The following AKAP6 variants were observed in gnomAD, a reference collection of about 807,000 sequenced individuals.
AKAP6 encodes the protein A-kinase anchoring protein 6.
Under a neutral mutation model 188.5 loss-of-function variants are expected in AKAP6, and 58 were observed. That is an observed-to-expected ratio of 0.31 (90% CI 0.25 to 0.38). The LOEUF (loss-of-function observed/expected upper bound fraction) is 0.38. Ranked by LOEUF, AKAP6 falls within the 10% of genes least tolerant of loss-of-function variation. The pLI is 1.00. For synonymous variants in AKAP6, 989 were observed against 998.6 expected (o/e 0.99, Z 0.18); for missense variants, 2,710 against 2,740.0 (o/e 0.99, Z 0.24).
chr14:32,364,203 A>C (rs1430077578), intron 1 of AKAP6, among the ~76,000 whole-genome samples: 1 of 152,210 alleles, frequency 6.6e-6, no homozygotes, highest in African/African-American at 2.4e-5. Context: ...AGGAGAAAGA[A>C]GGCAGGTTTT....
chr14:32,815,292 C>T (rs970384561), intron 12 of AKAP6, among the ~76,000 whole-genome samples: 2 of 152,078 alleles, frequency 1.3e-5, no homozygotes, highest in Non-Finnish European at 2.9e-5. Flanking sequence ...AGTTTTTGAT[C>T]ATTAGTGTGA....
intron 2 of AKAP6, among the ~76,000 whole-genome samples, chr14:32,465,965 CAT>C (rs1311430862): frequency 1.3e-5 from 2 of 152,182 alleles, no homozygotes; most frequent in South Asian, 2.1e-4. Context: ...AGCCAACAAA[CAT>C]ATGAAAAAAG....
chr14:32,486,981 G>T (rs1336318393), intron 2 of AKAP6, among the ~76,000 whole-genome samples: 1 of 152,198 alleles, frequency 6.6e-6, no homozygotes, highest in African/African-American at 2.4e-5. Flanking sequence ...ATTATTGTGA[G>T]AAATGCTCCA....
chr14:32,766,229 A>G (rs2032715827), intron 11 of AKAP6, among the ~76,000 whole-genome samples: 2 of 152,034 alleles, frequency 1.3e-5, no homozygotes, highest in Non-Finnish European at 2.9e-5. Context: ...CATTATATGT[A>G]TTTACTGCAT....
intron 2 of AKAP6, 48 bp downstream of exon 2, chr14:32,433,865 T>C (rs781413942): frequency 6.5e-7 from 1 of 1,542,662 alleles, no homozygotes; most frequent in African/African-American, 1.4e-5. Flanking sequence ...TTCAAAAGGC[T>C]GTGGCACCTA....
chr14:32,689,316 A>T (rs1351443617), intron 8 of AKAP6, among the ~76,000 whole-genome samples: 1 of 152,118 alleles, frequency 6.6e-6, no homozygotes, highest in Admixed American at 6.6e-5. Flanking sequence ...TTAATGGATT[A>T]TCTTGGTGCT....
At chr14:32,772,077 A>G (rs2032914990) in intron 11 of AKAP6, among the ~76,000 whole-genome samples, 1 of 152,006 alleles carries the variant, frequency 6.6e-6, no homozygotes, top group African/African-American at 2.4e-5. Context: ...CGTTTGAGTG[A>G]AAAGAAGAGA....
At chr14:32,382,473 G>T (rs1594561721) in intron 1 of AKAP6, among the ~76,000 whole-genome samples, 2 of 152,278 alleles carry the variant, frequency 1.3e-5, no homozygotes, top group East Asian at 3.9e-4. Context: ...TTATAATAAG[G>T]ATTAAGTGAG....
At chr14:32,666,718 AT>A (rs1888953851) in intron 7 of AKAP6, among the ~76,000 whole-genome samples, 1 of 152,036 alleles carries the variant, frequency 6.6e-6, no homozygotes, top group African/African-American at 2.4e-5. Context: ...CATATATAAG[AT>A]TTTTTAATGA....
chr14:32,623,119 A>G (rs1374550450), intron 7 of AKAP6, among the ~76,000 whole-genome samples: 1 of 152,128 alleles, frequency 6.6e-6, no homozygotes, highest in Non-Finnish European at 1.5e-5. Context: ...CCACAGGTTC[A>G]GTTTGTGACT....
At chr14:32,366,659 C>T (rs1887843917) in intron 1 of AKAP6, among the ~76,000 whole-genome samples, 1 of 152,060 alleles carries the variant, frequency 6.6e-6, no homozygotes. Context: ...AGAGTGAAAT[C>T]TTTCTCTCTT....
chr14:32,523,614 A>T (rs1881970720), intron 2 of AKAP6, among the ~76,000 whole-genome samples: 1 of 151,790 alleles, frequency 6.6e-6, no homozygotes, highest in East Asian at 1.9e-4. Context: ...GACCACAGGC[A>T]CACATCACTA....
At chr14:32,443,385 T>A (rs1157313171) in intron 2 of AKAP6, among the ~76,000 whole-genome samples, 2 of 145,668 alleles carry the variant, frequency 1.4e-5, no homozygotes, top group Non-Finnish European at 1.5e-5. Flanking sequence ...AGAGTAAGAC[T>A]CCATCTCAAA....
Position 32,834,549 on chromosome 14 carries a change from T to C in AKAP6, c.*4744T>C, listed in dbSNP as rs1385346273. The C allele has an allele frequency of 6.6e-6, 1 of 150,624 alleles. No individual in the cohort carries two copies. Among genetic ancestry groups the C allele is most frequent in the Non-Finnish European group, 1.5e-5 (1 of 67,654 alleles). 9.3% of individuals were successfully genotyped at this position (150,624 alleles called of 1,614,324 possible). A position where few individuals can be genotyped will look rare whatever the true frequency, so the allele number is the denominator to read the frequency against. ...TTTCCAAGTCTTTTTTTTTTTTTTT[T>C]TTTTTAAATCTTGCATAGTTTCCCT... On this transcript the variant is annotated 3_prime_UTR_variant, in exon 14 of 14. Coordinates refer to ENST00000280979, the MANE Select transcript of AKAP6 (RefSeq NM_004274.5).
At chr14:32,661,351 A>ACC (rs1888691964) in intron 7 of AKAP6, among the ~76,000 whole-genome samples, 1 of 152,100 alleles carries the variant, frequency 6.6e-6, no homozygotes, top group South Asian at 2.1e-4. Flanking sequence ...TTCATTGCTT[A>ACC]CCACACCCTG....
Position 32,822,454 on chromosome 14 carries a change from A to G in AKAP6, c.4641A>G (p.Glu1547=), listed in dbSNP as rs757678700. The part of the protein sequence containing the change: ...DRISYKSGNI[E]KTFTGMQNAK... Reference sequence around the variant, plus strand: ...TTTCATATAAAAGTGGCAATATAGAAAAGACATTCACTGGCATGCAGAATG... The same window carrying G: ...TTTCATATAAAAGTGGCAATATAGAGAAGACATTCACTGGCATGCAGAATG... Residue 1547 remains glutamate (E), a synonymous_variant, in exon 13 of 14, where the codon GAA becomes GAG. Coordinates refer to ENST00000280979, the MANE Select transcript of AKAP6 (RefSeq NM_004274.5). 1.2e-6 allele frequency: 2 copies of G among 1,614,036 alleles called. No individual in the cohort carries two copies. The highest frequency in any genetic ancestry group is 8.5e-7 in the Non-Finnish European group (1 of 1,179,958).
At chr14:32,437,579 C>T (rs1279048742) in intron 2 of AKAP6, among the ~76,000 whole-genome samples, 1 of 151,908 alleles carries the variant, frequency 6.6e-6, no homozygotes, top group Admixed American at 6.6e-5. Flanking sequence ...TTATCTAGTC[C>T]ATCACCTAGC....
At chr14:32,414,723 A>G (rs566347464) in intron 1 of AKAP6, among the ~76,000 whole-genome samples, 1 of 152,316 alleles carries the variant, frequency 6.6e-6, no homozygotes, top group African/African-American at 2.4e-5. Flanking sequence ...GTTTATTAAG[A>G]TGACACAAAG....
chr14:32,520,386 C>CA (rs1164007868), intron 2 of AKAP6, among the ~76,000 whole-genome samples: 2 of 151,970 alleles, frequency 1.3e-5, no homozygotes, highest in African/African-American at 4.8e-5. Context: ...AAAAACCCTT[C>CA]AAAAAATCAA....
Sources: allele counts gnomAD v4.1 joint callset (sites outside exome capture counted in the v4.1 genomes callset), GRCh38; gene constraint gnomAD v4.1.1; transcripts MANE v1.5; gene names NCBI Gene and HGNC (gene_info 2026-07-23, HGNC 2026-07-21).